Variants in SLC9A9 observed in about 807,000 individuals in gnomAD.
SLC9A9 encodes the protein sodium/hydrogen exchanger 9.
In SLC9A9, 62 loss-of-function variants were observed where a neutral mutation model predicts 77.8. The observed-to-expected ratio is 0.80, with a 90% CI of 0.65 to 0.98. SLC9A9 has a LOEUF of 0.98. Ranked by LOEUF, SLC9A9 falls within the 50% of genes least tolerant of loss-of-function variation. The probability of loss-of-function intolerance (pLI) is 0.00; values close to 1 mark genes in which losing one functional copy is unlikely to be tolerated. For synonymous variants in SLC9A9, 320 were observed against 283.5 expected, an observed-to-expected ratio of 1.13 and a Z score of -1.29; for missense variants, 775 against 774.9, an observed-to-expected ratio of 1.00 and a Z score of 0.00.
rs1392933673 is a variant in SLC9A9, at chr3:143,355,625, G to A, written c.1604+7859C>T. 3.3e-5 allele frequency among the ~76,000 whole-genome samples: 5 copies of A among 152,154 alleles called. No homozygotes were observed. The East Asian group carries it at 9.6e-4, about 29-fold the overall frequency. On this transcript the variant is annotated intron_variant, in intron 14 of 15. Coordinates refer to ENST00000316549, the MANE Select transcript of SLC9A9 (RefSeq NM_173653.4). ...TGTCTGTGTGTTTCTTTATACCATA[G>A]ATGTGTTCCTGAAAAGCTCTCCATA...
At chr3:143,732,656 AATAGAC>A (rs1285030527) in intron 4 of SLC9A9, among the ~76,000 whole-genome samples, 6 of 152,204 alleles carry the variant, frequency 3.9e-5, no homozygotes, top group African/African-American at 1.4e-4. Flanking sequence ...GCAATTTTAC[AATAGAC>A]AAATCCACCC....
chr3:143,776,481 G>T (rs937124504), intron 4 of SLC9A9, among the ~76,000 whole-genome samples: 7 of 152,164 alleles, frequency 4.6e-5, no homozygotes, highest in Non-Finnish European at 8.8e-5. Flanking sequence ...AAACTCTAAT[G>T]CACTATAAAA....
chr3:143,808,987 A>G (rs116179425), intron 2 of SLC9A9, among the ~76,000 whole-genome samples: 2,926 of 152,324 alleles, frequency 0.019, 48 homozygotes, highest in Middle Eastern at 0.044. Flanking sequence ...AAATTTGAGG[A>G]AAGATCTTAA....
At chr3:143,357,408 T>C (rs1403953646) in intron 14 of SLC9A9, among the ~76,000 whole-genome samples, 2 of 152,096 alleles carry the variant, frequency 1.3e-5, no homozygotes, top group African/African-American at 4.8e-5. Context: ...TAGTGGGTAA[T>C]CAATAAAGTA....
At chr3:143,572,138 C>T (rs188419925) in intron 8 of SLC9A9, among the ~76,000 whole-genome samples, 31 of 152,206 alleles carry the variant, frequency 2.0e-4, no homozygotes, top group South Asian at 1.2e-3. Flanking sequence ...GTAAGGATAT[C>T]AGGTTGAAAG....
intron 9 of SLC9A9, chr3:143,504,054 G>C: frequency 2.0e-6 from 1 of 498,670 alleles, no homozygotes. Context: ...AGATGGTTAT[G>C]GGATTTCCAC....
At chr3:143,797,120 A>G (rs1254687662) in intron 2 of SLC9A9, among the ~76,000 whole-genome samples, 2 of 151,088 alleles carry the variant, frequency 1.3e-5, no homozygotes, top group Admixed American at 6.6e-5. Context: ...ATACTTCCAC[A>G]CTATAGCTAA....
At position 143,405,327 on chromosome 3, in the gene SLC9A9, T is replaced by A. The variant is rs578201229; in HGVS notation, c.1470-23213A>T. Among the ~76,000 whole-genome samples, 11 of 152,328 alleles carry A rather than the reference T, an allele frequency of 7.2e-5. No individual in the cohort carries two copies. In the East Asian group the frequency reaches 1.7e-3, roughly 24 times the overall value. On this transcript the variant is annotated intron_variant, in intron 12 of 15. Transcript: ENST00000316549. The stretch of plus-strand genomic sequence containing the variant: ...CTCTCTTGGCAGGGCTGTGGAGCCG[T>A]AGACCTCCCATTTTACCTCTCTTGG...
intron 12 of SLC9A9, among the ~76,000 whole-genome samples, chr3:143,451,619 A>G (rs963051240): frequency 6.6e-6 from 1 of 152,048 alleles, no homozygotes; most frequent in African/African-American, 2.4e-5. Context: ...GTACTAGTTC[A>G]CCGATAACCA....
At chr3:143,714,940 G>A (rs1221239217) in intron 4 of SLC9A9, among the ~76,000 whole-genome samples, 3 of 152,094 alleles carry the variant, frequency 2.0e-5, no homozygotes, top group Non-Finnish European at 2.9e-5. Flanking sequence ...TTTCCTATGC[G>A]GTTCTCATGA....
chr3:143,742,773 A>G (rs917463089), intron 4 of SLC9A9, among the ~76,000 whole-genome samples: 2 of 152,200 alleles, frequency 1.3e-5, no homozygotes, highest in African/African-American at 4.8e-5. Context: ...GTTATAACAA[A>G]TGTACAAAAT....
intron 9 of SLC9A9, among the ~76,000 whole-genome samples, chr3:143,547,179 T>C (rs370251388): frequency 5.3e-5 from 8 of 152,352 alleles, no homozygotes; most frequent in African/African-American, 1.9e-4. Context: ...GTACCTTAGA[T>C]TGGTCTTTGG....
intron 2 of SLC9A9, among the ~76,000 whole-genome samples, chr3:143,804,997 GT>G (rs1195421161): frequency 1.3e-5 from 2 of 152,056 alleles, no homozygotes; most frequent in Non-Finnish European, 2.9e-5. Flanking sequence ...GAAGAGTATT[GT>G]TTTTACCTAA....
intron 12 of SLC9A9, among the ~76,000 whole-genome samples, chr3:143,418,616 G>A (rs902480455): frequency 6.6e-6 from 1 of 152,154 alleles, no homozygotes; most frequent in African/African-American, 2.4e-5. Context: ...GTCCTCAGCT[G>A]ATGAGGAGCA....
chr3:143,693,258 T>C lies in SLC9A9; in HGVS notation c.583A>G (p.Lys195Glu). 6.2e-7 allele frequency: 1 copy of C among 1,613,428 alleles called. No individual in the cohort carries two copies. Among genetic ancestry groups the C allele is most frequent in the Non-Finnish European group, 8.5e-7 (1 of 1,179,590 alleles). ...TCAGTGAAATGAAAGTCTCCATTTT[T>C]CAGCTGGCCAGCATGTATCATAGCC... ...VKAMIHAGQL[K>E]NGDFHFTDCL... The change falls in exon 5 of 16, where the codon AAA (lysine) becomes GAA (glutamate). Residue 195 changes from lysine (K) to glutamate (E), a missense_variant. Coordinates refer to ENST00000316549, the MANE Select transcript of SLC9A9 (RefSeq NM_173653.4).
intron 12 of SLC9A9, among the ~76,000 whole-genome samples, chr3:143,463,506 T>C (rs2035232365): frequency 6.6e-6 from 1 of 152,212 alleles, no homozygotes; most frequent in Non-Finnish European, 1.5e-5. Context: ...ACACCTTTGG[T>C]CTTTTTTGTT....
chr3:143,495,369 T>C lies in SLC9A9; in HGVS notation c.1169A>G (p.His390Arg). The C allele has an allele frequency of 6.2e-7, 1 of 1,614,134 alleles. No homozygotes were observed. Among genetic ancestry groups the C allele is most frequent in the Non-Finnish European group, 8.5e-7 (1 of 1,179,974 alleles). ...MGLALFTFQN[H>R]IFNALFILGA... ...AAGTATAAAAAGAGCATTAAAGATATGATTCTGGAACGTGAACAGTGCCAG... is the reference window on the plus strand; with the variant it reads ...AAGTATAAAAAGAGCATTAAAGATACGATTCTGGAACGTGAACAGTGCCAG... Residue 390 changes from histidine to arginine, a missense_variant, in exon 10 of 16, where the codon CAT (histidine) becomes CGT (arginine). Physicochemically the swap from His to Arg is conservative, Grantham distance 29. Coordinates refer to ENST00000316549, the MANE Select transcript of SLC9A9 (RefSeq NM_173653.4).
intron 2 of SLC9A9, among the ~76,000 whole-genome samples, chr3:143,799,088 G>C (rs1199700636): frequency 1.3e-5 from 2 of 151,986 alleles, no homozygotes; most frequent in Non-Finnish European, 2.9e-5. Context: ...TCTTAAAAAG[G>C]TGGCTGGAGC....
At chr3:143,802,596 G>C (rs1178631856) in intron 2 of SLC9A9, among the ~76,000 whole-genome samples, 1 of 152,102 alleles carries the variant, frequency 6.6e-6, no homozygotes, top group East Asian at 1.9e-4. Context: ...TCCTCAGTTT[G>C]GCCTTCCCAC....
Sources: allele counts gnomAD v4.1 joint callset (sites outside exome capture counted in the v4.1 genomes callset), GRCh38; gene constraint gnomAD v4.1.1; transcripts MANE v1.5; gene names NCBI Gene and HGNC (gene_info 2026-07-23, HGNC 2026-07-21).